The following SGCZ variants were observed in gnomAD, a reference collection of about 807,000 sequenced individuals.
SGCZ encodes sarcoglycan zeta, also known as zeta-sarcoglycan.
Under a neutral mutation model 41.3 loss-of-function variants are expected in SGCZ, and 40 were observed. The observed-to-expected ratio is 0.97, with a 90% confidence interval of 0.75 to 1.26. SGCZ has a LOEUF of 1.26. Ranked by LOEUF, SGCZ falls within the 50% of genes most tolerant of loss-of-function variation. The pLI is 0.00. For synonymous variants in SGCZ, 206 were observed against 137.5 expected (o/e 1.50, Z -3.49); for missense variants, 552 against 369.8 (o/e 1.49, Z -4.04).
At chr8:14,402,308 C>A (rs1428584154) in intron 2 of SGCZ, among the ~76,000 whole-genome samples, 1 of 151,326 alleles carries the variant, frequency 6.6e-6, no homozygotes, top group Non-Finnish European at 1.5e-5. Flanking sequence ...TCCCATTTGT[C>A]AATTTTGTCT....
intron 1 of SGCZ, among the ~76,000 whole-genome samples, chr8:14,785,715 C>T (rs1038559747): frequency 4.6e-5 from 7 of 152,128 alleles, no homozygotes; most frequent in Non-Finnish European, 7.4e-5. Flanking sequence ...TTTTCTGATA[C>T]GTCCACTTAC....
chr8:14,505,360 C>A (rs1295020964), intron 2 of SGCZ, among the ~76,000 whole-genome samples: 1 of 152,108 alleles, frequency 6.6e-6, no homozygotes, highest in Non-Finnish European at 1.5e-5. Flanking sequence ...GTTACCAGGG[C>A]AGAGTGCTTC....
At chr8:14,095,150 C>A (rs1489568510) in intron 7 of SGCZ, among the ~76,000 whole-genome samples, 1 of 151,978 alleles carries the variant, frequency 6.6e-6, no homozygotes, top group African/African-American at 2.4e-5. Flanking sequence ...TTTGTCAATA[C>A]TGGCTTCTGT....
At chr8:15,015,443 T>C (rs1345977536) in intron 1 of SGCZ, among the ~76,000 whole-genome samples, 1 of 151,516 alleles carries the variant, frequency 6.6e-6, no homozygotes, top group East Asian at 2.0e-4. Context: ...CTCACACTTG[T>C]AATCCCAGCA....
rs908684039 is a variant in SGCZ at position 15,025,793 on chromosome 8, T to C, written c.39+211792A>G. Among the ~76,000 whole-genome samples the C allele has an allele frequency of 2.0e-5, 3 of 152,320 alleles. No homozygotes were observed. In the East Asian group the frequency reaches 5.8e-4, roughly 29 times the overall value. On this transcript the variant is annotated intron_variant, in intron 1 of 7. Transcript: ENST00000382080. Reference sequence around the variant, plus strand: ...GTACCAGATTATACATAGATATTTATTTAAATTTTGTTCCATTTGCATCAA... The same window carrying C: ...GTACCAGATTATACATAGATATTTACTTAAATTTTGTTCCATTTGCATCAA...
intron 1 of SGCZ, among the ~76,000 whole-genome samples, chr8:14,630,111 C>G (rs2117394389): frequency 6.6e-6 from 1 of 152,248 alleles, no homozygotes; most frequent in African/African-American, 2.4e-5. Context: ...TAGTTTCTTG[C>G]CTCATCCCTT....
chr8:14,803,963 G>A (rs564949343), intron 1 of SGCZ, among the ~76,000 whole-genome samples: 40 of 121,084 alleles, frequency 3.3e-4, no homozygotes, highest in Admixed American at 1.1e-3. Flanking sequence ...CCCACAGCAT[G>A]GGCACACTGA....
At chr8:14,990,595 C>CT (rs1801978329) in intron 1 of SGCZ, among the ~76,000 whole-genome samples, 1 of 152,056 alleles carries the variant, frequency 6.6e-6, no homozygotes, top group South Asian at 2.1e-4. Flanking sequence ...CTCATCACCC[C>CT]TAGATGAGAC....
intron 2 of SGCZ, among the ~76,000 whole-genome samples, chr8:14,551,069 A>C (rs776097388): frequency 4.6e-5 from 7 of 150,958 alleles, no homozygotes; most frequent in Non-Finnish European, 1.0e-4. Flanking sequence ...AGCATTAATG[A>C]ATTTGCTCTC....
chr8:15,015,542 G>C (rs1429775180), intron 1 of SGCZ, among the ~76,000 whole-genome samples: 1 of 151,498 alleles, frequency 6.6e-6, no homozygotes, highest in Non-Finnish European at 1.5e-5. Flanking sequence ...AAAAAATTAG[G>C]CGAGTGTGAT....
At position 15,137,640 on chromosome 8, in the gene SGCZ, G is replaced by T. The variant is rs747712588; in HGVS notation, c.39+99945C>A. Among the ~76,000 whole-genome samples, 3 of 147,824 alleles carry T rather than the reference G, an allele frequency of 2.0e-5. No individual in the cohort carries two copies. The East Asian group carries it at 6.0e-4, about 29-fold the overall frequency. On this transcript the variant is annotated intron_variant, in intron 1 of 7. Coordinates refer to ENST00000382080, the MANE Select transcript of SGCZ (RefSeq NM_139167.4). ...ACAGCTCAGTCCATGACTTCAGAGG[G>T]TGCAATCCCCAAGCCTTGGCACCTT...
intron 1 of SGCZ, among the ~76,000 whole-genome samples, chr8:15,121,536 T>C (rs900843009): frequency 6.6e-6 from 1 of 152,322 alleles, no homozygotes; most frequent in Admixed American, 6.5e-5. Context: ...TACAGTAGTC[T>C]AGTTGTTGAA....
rs1474230583 is a variant in SGCZ at position 14,613,612 on chromosome 8, G to C, written c.40-58686C>G. ...AAAACAAATCCTTCTAAATTTCAGAGCATGCAGAATTTGCAGGGGTATACG... is the reference window on the plus strand; with the variant it reads ...AAAACAAATCCTTCTAAATTTCAGACCATGCAGAATTTGCAGGGGTATACG... On this transcript the variant is annotated intron_variant, in intron 1 of 7. Transcript: ENST00000382080. Among the ~76,000 whole-genome samples the C allele has an allele frequency of 2.0e-5, 3 of 152,164 alleles. No individual in the cohort carries two copies. The South Asian group carries it at 6.2e-4, about 31-fold the overall frequency.
intron 3 of SGCZ, among the ~76,000 whole-genome samples, chr8:14,294,594 G>C (rs1245467207): frequency 6.6e-6 from 1 of 151,952 alleles, no homozygotes; most frequent in African/African-American, 2.4e-5. Context: ...GGGATGCTCT[G>C]ATTCTTGAAG....
chr8:14,833,091 T>A (rs988373246), intron 1 of SGCZ, among the ~76,000 whole-genome samples: 1 of 152,152 alleles, frequency 6.6e-6, no homozygotes, highest in African/African-American at 2.4e-5. Flanking sequence ...ACATGAATTA[T>A]TGGTAAGTAA....
At chr8:14,972,844 T>C (rs571925508) in intron 1 of SGCZ, among the ~76,000 whole-genome samples, 2 of 152,340 alleles carry the variant, frequency 1.3e-5, no homozygotes, top group South Asian at 4.1e-4. Flanking sequence ...TAAATTCTAC[T>C]CTACATTACT....
intron 4 of SGCZ, among the ~76,000 whole-genome samples, chr8:14,235,998 G>C (rs1054234826): frequency 2.0e-5 from 3 of 152,112 alleles, no homozygotes; most frequent in East Asian, 1.9e-4. Context: ...TTTACATTTT[G>C]ACATTTCTAC....
Position 14,100,486 on chromosome 8 carries a change from G to A in SGCZ, c.744+1890C>T, listed in dbSNP as rs117846401. Among the ~76,000 whole-genome samples, 80 of 148,816 alleles carry A rather than the reference G, an allele frequency of 5.4e-4. 1 individual carries two copies. The East Asian group carries it at 0.015, about 28-fold the overall frequency. Reference sequence around the variant, plus strand: ...AGACAAAGTATTGTAGTCTACAACTGTAGTGGAAAGAAATCCTGATATTAA... The same window carrying A: ...AGACAAAGTATTGTAGTCTACAACTATAGTGGAAAGAAATCCTGATATTAA... On this transcript the variant is annotated intron_variant, in intron 7 of 7. Coordinates refer to ENST00000382080, the MANE Select transcript of SGCZ (RefSeq NM_139167.4).
intron 2 of SGCZ, among the ~76,000 whole-genome samples, chr8:14,505,165 T>C (rs1427574392): frequency 6.6e-6 from 1 of 152,106 alleles, no homozygotes; most frequent in Non-Finnish European, 1.5e-5. Context: ...CCAAAAATTA[T>C]ATATATAGAA....
Sources: allele counts gnomAD v4.1 joint callset (sites outside exome capture counted in the v4.1 genomes callset), GRCh38; gene constraint gnomAD v4.1.1; transcripts MANE v1.5; gene names NCBI Gene and HGNC (gene_info 2026-07-23, HGNC 2026-07-21).